SUN3: variants seen among roughly 807,000 people sequenced by gnomAD.
SUN3 encodes the protein SUN domain-containing protein 3.
In SUN3, 36 loss-of-function variants were observed where a neutral mutation model predicts 48.2. The ratio of observed to expected loss-of-function variants is 0.75; its 90% CI spans 0.57 to 0.99. SUN3 has a LOEUF of 0.99. SUN3 is among the 50% of genes least tolerant of loss of function. The pLI is 0.00. For missense variants in SUN3, 419 were observed against 433.1 expected (o/e 0.97, Z 0.29); for synonymous variants, 148 against 147.9 (o/e 1.00, Z 0.00).
At chr7:48,021,541 A>C (rs1789995833) in intron 2 of SUN3, among the ~76,000 whole-genome samples, 1 of 150,754 alleles carries the variant, frequency 6.6e-6, no homozygotes, top group Non-Finnish European at 1.5e-5. Context: ...ATATATAAGG[A>C]GCTCAAACAA....
chr7:48,016,451 C>G (rs7789930), intron 3 of SUN3, among the ~76,000 whole-genome samples: 87,566 of 151,986 alleles, frequency 0.58, 29,318 homozygotes, highest in Non-Finnish European at 0.74. Flanking sequence ...GATGGTTACA[C>G]TGCCACCCTC....
chr7:48,013,095 G>A (rs553559114), intron 3 of SUN3, among the ~76,000 whole-genome samples: 2 of 152,284 alleles, frequency 1.3e-5, no homozygotes, highest in East Asian at 3.9e-4. Context: ...AAAGTGGCAT[G>A]TGACAATAAA....
chr7:48,024,879 A>C (rs1048497014), intron 2 of SUN3, among the ~76,000 whole-genome samples: 1 of 152,176 alleles, frequency 6.6e-6, no homozygotes, highest in Non-Finnish European at 1.5e-5. Flanking sequence ...TCATGACCCA[A>C]ATGCCTTCCA....
At position 48,007,335 on chromosome 7, in the gene SUN3, G is replaced by A; in HGVS notation, c.330-8C>T. ...AGATTCTGGCTTTCCTTCCTGTAAA[G>A]GGAAAATCTCAGCATGAGAGGAAGA... On this transcript the variant is annotated splice_polypyrimidine_tract_variant and splice_region_variant and intron_variant, in intron 4 of 9. Transcript: ENST00000297325. 1.2e-6 allele frequency: 2 copies of A among 1,612,158 alleles called. No individual in the cohort carries two copies. The highest frequency in any genetic ancestry group is 1.3e-5 in the African/African-American group (1 of 75,024).
intron 6 of SUN3, among the ~76,000 whole-genome samples, chr7:47,998,389 C>A (rs919548357): frequency 1.3e-5 from 2 of 152,048 alleles, no homozygotes; most frequent in Admixed American, 6.5e-5. Flanking sequence ...TCTTCCAAAC[C>A]TTTTGCCTAT....
intron 8 of SUN3, among the ~76,000 whole-genome samples, chr7:47,989,919 G>A (rs1287207346): frequency 6.6e-6 from 1 of 152,232 alleles, no homozygotes; most frequent in Non-Finnish European, 1.5e-5. Flanking sequence ...TGCTTGTTAA[G>A]TCATCACCAC....
intron 5 of SUN3, among the ~76,000 whole-genome samples, chr7:48,006,778 A>G (rs79087178): frequency 0.011 from 1,640 of 152,330 alleles, 18 homozygotes; most frequent in African/African-American, 0.037. Context: ...GTGGTTTCCA[A>G]CACAGTTTTG....
chr7:48,010,638 T>G (rs1253690665), intron 3 of SUN3, among the ~76,000 whole-genome samples: 1 of 152,110 alleles, frequency 6.6e-6, no homozygotes, highest in Non-Finnish European at 1.5e-5. Flanking sequence ...ATTTGTCTCA[T>G]CCACATACTC....
At chr7:48,009,727 C>T (rs1789631627) in intron 3 of SUN3, among the ~76,000 whole-genome samples, 1 of 152,096 alleles carries the variant, frequency 6.6e-6, no homozygotes, top group Non-Finnish European at 1.5e-5. Flanking sequence ...ACTGTTTGGA[C>T]ACAACATGTG....
chr7:47,992,703 A>G (rs937475430), intron 8 of SUN3, among the ~76,000 whole-genome samples: 1 of 152,206 alleles, frequency 6.6e-6, no homozygotes, highest in Admixed American at 6.5e-5. Flanking sequence ...GGAAAAAAAA[A>G]AGAAAATAAA....
intron 9 of SUN3, among the ~76,000 whole-genome samples, 198 bp downstream of exon 9, chr7:47,988,590 A>C (rs1466241302): frequency 9.2e-5 from 14 of 152,242 alleles, no homozygotes. Context: ...TTTGACTTAG[A>C]AACTGCTTTT....
chr7:47,987,249 C>A lies in SUN3; in HGVS notation c.*81G>T. 1 of 1,427,680 alleles carries A rather than the reference C, an allele frequency of 7.0e-7. No individual in the cohort carries two copies. The highest frequency in any genetic ancestry group is 9.3e-7 in the Non-Finnish European group (1 of 1,072,590). The allele number at this position is 1,427,680 out of a possible 1,614,324, so 88.4% of individuals were successfully genotyped here. ...TTCTTCCCACTCCCAATTCTCAATT[C>A]CTATGGGTGCGGTATCATCTAAGAG... On this transcript the variant is annotated 3_prime_UTR_variant, in exon 10 of 10. Transcript: ENST00000297325.
chr7:48,022,456 G>A (rs1198625449), intron 2 of SUN3, among the ~76,000 whole-genome samples: 2 of 152,064 alleles, frequency 1.3e-5, no homozygotes. Context: ...AAATGCTTGA[G>A]GGGATGGATA....
chr7:48,003,208 T>C (rs1244014733), intron 6 of SUN3, among the ~76,000 whole-genome samples: 34 of 152,222 alleles, frequency 2.2e-4, no homozygotes, highest in Non-Finnish European at 5.9e-5. Context: ...GTTAGATTGG[T>C]AGAAGATTAG....
At chr7:48,026,287 G>A (rs369205091) in intron 1 of SUN3, among the ~76,000 whole-genome samples, 8 of 151,790 alleles carry the variant, frequency 5.3e-5, no homozygotes, top group African/African-American at 1.9e-4. Flanking sequence ...TGTAGAACTA[G>A]CTACAAAAAA....
At chr7:48,031,141 C>A (rs1790251431), upstream of SUN3, among the ~76,000 whole-genome samples, 1 of 152,112 alleles carries the variant, frequency 6.6e-6, no homozygotes, top group Non-Finnish European at 1.5e-5. Flanking sequence ...CCACATCAAA[C>A]CAAAAACCAA....
intron 9 of SUN3, among the ~76,000 whole-genome samples, chr7:47,987,667 G>A (rs1327743972): frequency 6.6e-6 from 1 of 151,856 alleles, no homozygotes; most frequent in Non-Finnish European, 1.5e-5. Flanking sequence ...CCGAGTAGCT[G>A]GAACTACAGG....
chr7:48,029,882 T>G (rs1231866610), upstream of SUN3, among the ~76,000 whole-genome samples: 2 of 150,758 alleles, frequency 1.3e-5, no homozygotes, highest in African/African-American at 4.8e-5. Context: ...CATTTCTCTG[T>G]TTTTTTTGGC....
chr7:48,000,103 A>G (rs1310485598), intron 6 of SUN3: 1 of 152,168 alleles, frequency 6.6e-6, no homozygotes, highest in Admixed American at 6.5e-5. Flanking sequence ...TACATATTTT[A>G]AAGTACTTAA....
Sources: gnomAD v4.1 joint callset for allele counts (sites outside exome capture counted in the v4.1 genomes callset) on GRCh38, gnomAD v4.1.1 for gene constraint, MANE v1.5 for transcripts, NCBI Gene and HGNC (gene_info 2026-07-23, HGNC 2026-07-21) for gene names.